LDB2: variants seen among roughly 807,000 people sequenced by gnomAD.
LDB2 encodes LIM domain-binding protein 2.
A neutral mutation model predicts 44.3 loss-of-function variants in LDB2; 12 were observed. The ratio of observed to expected loss-of-function variants is 0.27; its 90% CI spans 0.17 to 0.44. LDB2 has a LOEUF of 0.44. Ranked by LOEUF, LDB2 falls within the 20% of genes least tolerant of loss-of-function variation. The probability of loss-of-function intolerance (pLI) is 1.00; values close to 1 mark genes in which losing one functional copy is unlikely to be tolerated. For missense variants in LDB2, 344 were observed against 473.5 expected, an observed-to-expected ratio of 0.73 and a Z score of 2.54; for synonymous variants, 164 against 174.8, an observed-to-expected ratio of 0.94 and a Z score of 0.49.
At chr4:16,710,324 A>G (rs991463866) in intron 2 of LDB2, among the ~76,000 whole-genome samples, 2 of 152,210 alleles carry the variant, frequency 1.3e-5, no homozygotes, top group Non-Finnish European at 2.9e-5. Flanking sequence ...TACAGTCTGA[A>G]AAATACTAGA....
At chr4:16,806,542 G>A (rs1255681094) in intron 1 of LDB2, among the ~76,000 whole-genome samples, 1 of 152,216 alleles carries the variant, frequency 6.6e-6, no homozygotes, top group African/African-American at 2.4e-5. Flanking sequence ...GCCATTAAGT[G>A]AGCAGGCAGT....
At chr4:16,515,403 A>C (rs576598865) in intron 5 of LDB2, among the ~76,000 whole-genome samples, 1 of 152,348 alleles carries the variant, frequency 6.6e-6, no homozygotes, top group East Asian at 1.9e-4. Context: ...AAACCTGCAC[A>C]TGTACTTCCT....
At chr4:16,622,469 G>A (rs577778142) in intron 2 of LDB2, among the ~76,000 whole-genome samples, 1 of 152,136 alleles carries the variant, frequency 6.6e-6, no homozygotes, top group Non-Finnish European at 1.5e-5. Context: ...CTTCATCCAA[G>A]GTCTCTTGAG....
At chr4:16,679,993 C>G (rs1170995898) in intron 2 of LDB2, among the ~76,000 whole-genome samples, 5 of 152,110 alleles carry the variant, frequency 3.3e-5, no homozygotes, top group African/African-American at 4.8e-5. Context: ...TCTTTATAAG[C>G]CCCCCAAATT....
chr4:16,755,762 T>C (rs889377178), intron 2 of LDB2, among the ~76,000 whole-genome samples: 6 of 152,168 alleles, frequency 3.9e-5, no homozygotes, highest in African/African-American at 1.4e-4. Context: ...ACCCAAAGGA[T>C]AGAACTTCCT....
At chr4:16,850,436 T>A (rs779038240) in intron 1 of LDB2, among the ~76,000 whole-genome samples, 2 of 152,184 alleles carry the variant, frequency 1.3e-5, no homozygotes, top group Non-Finnish European at 2.9e-5. Context: ...AATTTATGCA[T>A]GGAAAAGCTC....
At chr4:16,740,851 T>G (rs1763109378) in intron 2 of LDB2, among the ~76,000 whole-genome samples, 1 of 152,204 alleles carries the variant, frequency 6.6e-6, no homozygotes, top group South Asian at 2.1e-4. Flanking sequence ...ATGCGTGTAT[T>G]TTACTTATAA....
intron 2 of LDB2, among the ~76,000 whole-genome samples, chr4:16,713,858 A>T (rs1245656444): frequency 6.6e-5 from 10 of 152,172 alleles, no homozygotes; most frequent in African/African-American, 2.2e-4. Flanking sequence ...TTTTCTAGCA[A>T]TAGACTCTGG....
Position 16,502,113 on chromosome 4 carries a change from GA to G in LDB2, c.*529del, listed in dbSNP as rs953098808. On this transcript the variant is annotated 3_prime_UTR_variant, in exon 8 of 8. Coordinates refer to ENST00000304523, the MANE Select transcript of LDB2 (RefSeq NM_001290.5). ...GTTGCCCAATGAAAGAAAACATAAAGAAAAAAAAAATAAGGTACATTTAAAT... is the reference window on the plus strand; with the variant it reads ...GTTGCCCAATGAAAGAAAACATAAAGAAAAAAAAATAAGGTACATTTAAAT... 1.6e-3 allele frequency: 243 copies of G among 147,676 alleles called. 1 individual carries two copies. Among genetic ancestry groups the G allele is most frequent in the African/African-American group, 5.0e-3 (201 of 39,986 alleles). The allele number at this position is 147,676 out of a possible 1,614,324, so 9.1% of individuals were successfully genotyped here.
At chr4:16,625,638 C>A (rs1282750562) in intron 2 of LDB2, among the ~76,000 whole-genome samples, 3 of 152,148 alleles carry the variant, frequency 2.0e-5, no homozygotes, top group Non-Finnish European at 4.4e-5. Flanking sequence ...GCAATAAAGT[C>A]TTTGGGCAGT....
At chr4:16,580,094 G>A (rs142674625) in intron 5 of LDB2, among the ~76,000 whole-genome samples, 7 of 152,280 alleles carry the variant, frequency 4.6e-5, no homozygotes, top group East Asian at 1.9e-4. Context: ...TAGCAACAGC[G>A]TTCCAGGCAG....
chr4:16,829,133 T>G (rs1308255425), intron 1 of LDB2, among the ~76,000 whole-genome samples: 1 of 152,146 alleles, frequency 6.6e-6, no homozygotes, highest in Admixed American at 6.5e-5. Context: ...TAAGTTCTTC[T>G]CTGGAGAAAT....
At chr4:16,797,774 C>A (rs1372766682) in intron 1 of LDB2, among the ~76,000 whole-genome samples, 2 of 151,930 alleles carry the variant, frequency 1.3e-5, no homozygotes, top group East Asian at 1.9e-4. Context: ...TGGTGGCTCT[C>A]CCCTGTAATC....
At chr4:16,869,409 G>C (rs1715782666) in intron 1 of LDB2, among the ~76,000 whole-genome samples, 1 of 152,032 alleles carries the variant, frequency 6.6e-6, no homozygotes, top group Admixed American at 6.5e-5. Flanking sequence ...TCAGAAATGA[G>C]GGTTGTTTGG....
At chr4:16,644,141 G>C (rs76740142) in intron 2 of LDB2, among the ~76,000 whole-genome samples, 2,997 of 152,328 alleles carry the variant, frequency 0.02, 26 homozygotes, top group East Asian at 0.046. Flanking sequence ...ACTCCCGTTT[G>C]AAGAAGCTCT....
chr4:16,655,302 G>C (rs891584635), intron 2 of LDB2, among the ~76,000 whole-genome samples: 42 of 152,168 alleles, frequency 2.8e-4, no homozygotes, highest in African/African-American at 8.7e-4. Flanking sequence ...GACATGAAGG[G>C]GTCTGTTTAT....
intron 1 of LDB2, among the ~76,000 whole-genome samples, chr4:16,770,923 A>G (rs185776141): frequency 6.3e-4 from 96 of 152,222 alleles, no homozygotes; most frequent in East Asian, 2.9e-3. Flanking sequence ...ACATCACACC[A>G]TCTAGGTGTG....
chr4:16,681,618 C>CTT lies in LDB2; in HGVS notation c.235+77538_235+77539dup, dbSNP rs536589787. On this transcript the variant is annotated intron_variant, in intron 2 of 7. Coordinates refer to ENST00000304523, the MANE Select transcript of LDB2 (RefSeq NM_001290.5). ...GCAAATAATTGAATTGTATTCTATT[C>CTT]TTTTTTTTTTTTTTTTTTTTTTTTT... is the stretch of plus-strand genomic sequence containing the variant. 5.8e-4 allele frequency among the ~76,000 whole-genome samples: 36 copies of CTT among 61,708 alleles called. 2 individuals are homozygous for CTT. The highest frequency in any genetic ancestry group is 9.7e-4 in the African/African-American group (15 of 15,450). The allele number at this position is 61,708 out of a possible 152,430, so 40.5% of individuals were successfully genotyped here.
chr4:16,637,021 G>A (rs1270527842), intron 2 of LDB2, among the ~76,000 whole-genome samples: 1 of 152,148 alleles, frequency 6.6e-6, no homozygotes, highest in South Asian at 2.1e-4. Flanking sequence ...ATCCCCATCT[G>A]ATCACAAACA....
Sources: gnomAD v4.1 joint callset for allele counts (sites outside exome capture counted in the v4.1 genomes callset) on GRCh38, gnomAD v4.1.1 for gene constraint, MANE v1.5 for transcripts, NCBI Gene and HGNC (gene_info 2026-07-23, HGNC 2026-07-21) for gene names.